LRP1B: variants seen among roughly 807,000 people sequenced by gnomAD.
LRP1B encodes low-density lipoprotein receptor-related protein 1B.
In LRP1B, 217 loss-of-function variants were observed where a neutral mutation model predicts 556.6. The observed-to-expected ratio is 0.39, with a 90% confidence interval of 0.35 to 0.44. The LOEUF is 0.44. Ranked by LOEUF, LRP1B falls within the 20% of genes least tolerant of loss-of-function variation. The probability of loss-of-function intolerance (pLI) is 1.00; values close to 1 mark genes in which losing one functional copy is unlikely to be tolerated. For synonymous variants in LRP1B, 2,047 were observed against 1,865.8 expected (o/e 1.10, Z -2.50); for missense variants, 5,053 against 5,620.8 (o/e 0.90, Z 3.23).
intron 2 of LRP1B, among the ~76,000 whole-genome samples, chr2:141,643,894 C>A (rs1436494605): frequency 1.3e-5 from 2 of 151,898 alleles, no homozygotes; most frequent in Non-Finnish European, 2.9e-5. Context: ...ATAACAGCGA[C>A]CTTATAGGGC....
In LRP1B at chr2:140,366,784, C is replaced by G. The variant is rs7606050; in HGVS notation, c.11009-2001G>C. ...AGAAGAAGAAGGAGGTGAATGCCAA[C>G]GTATCTTTCCAGAAGTTTGGCCATA... is the stretch of plus-strand genomic sequence containing the variant. On this transcript the variant is annotated intron_variant, in intron 71 of 90. Transcript: ENST00000389484. Among the ~76,000 whole-genome samples, 369 of 151,764 alleles carry G rather than the reference C, an allele frequency of 2.4e-3. 2 individuals are homozygous for G. Among genetic ancestry groups the G allele is most frequent in the African/African-American group, 8.0e-3 (333 of 41,466 alleles).
At chr2:141,859,396 G>A (rs905019748) in intron 1 of LRP1B, among the ~76,000 whole-genome samples, 1 of 152,104 alleles carries the variant, frequency 6.6e-6, no homozygotes, top group African/African-American at 2.4e-5. Flanking sequence ...CCACAGACAA[G>A]TCAAGTTTAA....
intron 32 of LRP1B, 111 bp from the exon 33 acceptor site, chr2:140,776,349 C>A: frequency 1.4e-6 from 1 of 692,584 alleles, no homozygotes. Context: ...TATTTCCAAA[C>A]TCTGTTTCTA....
intron 6 of LRP1B, among the ~76,000 whole-genome samples, chr2:141,209,327 T>C (rs1176293963): frequency 6.6e-6 from 1 of 152,114 alleles, no homozygotes. Flanking sequence ...CTTTCTCCCC[T>C]TTTGCTGGGC....
intron 7 of LRP1B, among the ~76,000 whole-genome samples, chr2:141,155,545 G>T (rs1702046443): frequency 6.6e-6 from 1 of 151,232 alleles, no homozygotes; most frequent in Admixed American, 6.6e-5. Context: ...TGTTACATAG[G>T]TATATATGTG....
chr2:140,335,866 G>T, intron 77 of LRP1B, 28 bp from the exon 78 acceptor site: 2 of 1,397,172 alleles, frequency 1.4e-6, no homozygotes, highest in Non-Finnish European at 2.0e-6. Flanking sequence ...AACACACCAC[G>T]GTATTTTCAA....
intron 1 of LRP1B, among the ~76,000 whole-genome samples, chr2:142,115,255 ATACAAG>A (rs1216962596): frequency 6.6e-6 from 1 of 150,978 alleles, no homozygotes; most frequent in African/African-American, 2.4e-5. Context: ...AGAAAAAAAA[ATACAAG>A]ATGAGCTTGG....
At chr2:141,237,945 G>GT (rs1157335684) in intron 5 of LRP1B, among the ~76,000 whole-genome samples, 2 of 152,032 alleles carry the variant, frequency 1.3e-5, no homozygotes, top group African/African-American at 4.8e-5. Flanking sequence ...ACTCCTCAAT[G>GT]TTTTTTAAAG....
intron 23 of LRP1B, among the ~76,000 whole-genome samples, chr2:140,899,257 C>A (rs1298213823): frequency 1.3e-5 from 2 of 152,090 alleles, no homozygotes. Flanking sequence ...CTCAATGATC[C>A]TTTTTCTTTT....
chr2:141,337,606 G>A (rs1346192325), intron 3 of LRP1B, among the ~76,000 whole-genome samples: 4 of 151,982 alleles, frequency 2.6e-5, no homozygotes, highest in Admixed American at 6.6e-5. Context: ...TTAATAGATC[G>A]ACTATTTATG....
At chr2:140,499,328 G>A (rs577437361) in intron 55 of LRP1B, among the ~76,000 whole-genome samples, 1 of 151,720 alleles carries the variant, frequency 6.6e-6, no homozygotes, top group South Asian at 2.1e-4. Flanking sequence ...TATTCTATAG[G>A]TTTTATAATT....
chr2:140,319,466 G>A (rs1679971961), intron 82 of LRP1B, among the ~76,000 whole-genome samples: 1 of 152,222 alleles, frequency 6.6e-6, no homozygotes, highest in South Asian at 2.1e-4. Context: ...CTACAGAAAA[G>A]TTGTCGACAG....
At chr2:140,934,096 T>C (rs148979377) in intron 20 of LRP1B, among the ~76,000 whole-genome samples, 58 of 152,240 alleles carry the variant, frequency 3.8e-4, no homozygotes, top group African/African-American at 1.2e-3. Context: ...TTGTATTTCA[T>C]TGAAAATAGA....
At chr2:141,990,372 C>T (rs1702310725) in intron 1 of LRP1B, among the ~76,000 whole-genome samples, 1 of 151,984 alleles carries the variant, frequency 6.6e-6, no homozygotes. Flanking sequence ...TGAAGCATCT[C>T]TACATTGGAA....
At chr2:142,018,966 G>T (rs557314175) in intron 1 of LRP1B, among the ~76,000 whole-genome samples, 1 of 152,064 alleles carries the variant, frequency 6.6e-6, no homozygotes, top group Non-Finnish European at 1.5e-5. Context: ...ATGGTTTTAG[G>T]TTACATATTC....
intron 6 of LRP1B, among the ~76,000 whole-genome samples, chr2:141,209,595 C>T (rs902752547): frequency 6.6e-6 from 1 of 152,164 alleles, no homozygotes. Flanking sequence ...TTATAATCTA[C>T]AATAAGGTTA....
intron 1 of LRP1B, among the ~76,000 whole-genome samples, chr2:142,095,575 C>A (rs1574679092): frequency 6.6e-6 from 1 of 151,530 alleles, no homozygotes; most frequent in East Asian, 1.9e-4. Context: ...TCTGAGAGTA[C>A]CCATAGGGTT....
chr2:142,079,775 G>A (rs1273613734), intron 1 of LRP1B, among the ~76,000 whole-genome samples: 1 of 152,122 alleles, frequency 6.6e-6, no homozygotes, highest in Non-Finnish European at 1.5e-5. Flanking sequence ...CTCCCAAAGT[G>A]CTAGGATTAC....
chr2:140,669,558 T>C (rs192309517), intron 41 of LRP1B, among the ~76,000 whole-genome samples: 2 of 152,312 alleles, frequency 1.3e-5, no homozygotes, highest in East Asian at 3.9e-4. Flanking sequence ...TTATCATTTT[T>C]CGATTAACAT....
Sources: gnomAD v4.1 joint callset for allele counts (sites outside exome capture counted in the v4.1 genomes callset) on GRCh38, gnomAD v4.1.1 for gene constraint, MANE v1.5 for transcripts, NCBI Gene and HGNC (gene_info 2026-07-23, HGNC 2026-07-21) for gene names.